The following NEGR1 variants were observed in gnomAD, a reference collection of about 807,000 sequenced individuals.
The protein encoded by NEGR1 is IgLON family member 4.
Under a neutral mutation model 40.9 loss-of-function variants are expected in NEGR1, and 10 were observed. The observed-to-expected ratio is 0.24, with a 90% confidence interval of 0.15 to 0.42. The LOEUF (loss-of-function observed/expected upper bound fraction) is 0.42. Ranked by LOEUF, NEGR1 falls within the 10% of genes least tolerant of loss-of-function variation. NEGR1 has a pLI of 1.00. For synonymous variants in NEGR1, 185 were observed against 166.8 expected (o/e 1.11, Z -0.84); for missense variants, 352 against 438.9 (o/e 0.80, Z 1.77).
chr1:72,259,435 C>A (rs1655382624), intron 1 of NEGR1, among the ~76,000 whole-genome samples: 1 of 152,074 alleles, frequency 6.6e-6, no homozygotes, highest in Non-Finnish European at 1.5e-5. Context: ...GTTCTTCAAA[C>A]TCCCTTTCTC....
chr1:71,759,532 C>G (rs1240734569), intron 3 of NEGR1, among the ~76,000 whole-genome samples: 1 of 147,998 alleles, frequency 6.8e-6, no homozygotes, highest in Non-Finnish European at 1.5e-5. Flanking sequence ...CTCCTGATCT[C>G]GCGATCCACT....
intron 1 of NEGR1, among the ~76,000 whole-genome samples, chr1:72,250,548 T>A (rs1557598267): frequency 6.6e-6 from 1 of 152,102 alleles, no homozygotes; most frequent in Non-Finnish European, 1.5e-5. Context: ...TGAAAAACAA[T>A]TAAGTCAATC....
intron 3 of NEGR1, among the ~76,000 whole-genome samples, chr1:71,701,059 A>T (rs1653674726): frequency 6.6e-6 from 1 of 152,042 alleles, no homozygotes; most frequent in South Asian, 2.1e-4. Flanking sequence ...CCAAAAAGGG[A>T]CACAGCCTAT....
At chr1:72,072,552 A>G (rs1647513212) in intron 1 of NEGR1, among the ~76,000 whole-genome samples, 1 of 152,156 alleles carries the variant, frequency 6.6e-6, no homozygotes, top group African/African-American at 2.4e-5. Flanking sequence ...GAACAGTTTC[A>G]CAAACAAAAT....
chr1:71,689,232 T>A (rs925054922), intron 4 of NEGR1, among the ~76,000 whole-genome samples: 4 of 152,206 alleles, frequency 2.6e-5, no homozygotes, highest in African/African-American at 9.7e-5. Flanking sequence ...TTATCCAGAA[T>A]CATTTGACTG....
Position 71,982,895 on chromosome 1 carries a change from C to T in NEGR1, c.177-47584G>A, listed in dbSNP as rs546287766. On this transcript the variant is annotated intron_variant, in intron 1 of 6. Transcript: ENST00000357731. The stretch of plus-strand genomic sequence containing the variant: ...CAAAAAGAAGAAAATGGTGAGTTTC[C>T]TTTTATCAGTACACATGGAAAGATA... Among the ~76,000 whole-genome samples the T allele has an allele frequency of 9.9e-5, 15 of 152,128 alleles. No individual in the cohort carries two copies. The East Asian group carries it at 2.9e-3, about 29-fold the overall frequency.
chr1:71,423,080 A>T (rs1412124920), intron 6 of NEGR1: 2 of 152,186 alleles, frequency 1.3e-5, no homozygotes, highest in Non-Finnish European at 2.9e-5. Context: ...AGCTACAAAA[A>T]GTACAGATTC....
At chr1:71,496,456 T>C (rs1569947380) in intron 6 of NEGR1, among the ~76,000 whole-genome samples, 1 of 151,806 alleles carries the variant, frequency 6.6e-6, no homozygotes, top group Non-Finnish European at 1.5e-5. Flanking sequence ...AGAAGGAAGG[T>C]ATTCGTTGGC....
At chr1:71,667,657 T>C (rs1483388526) in intron 4 of NEGR1, among the ~76,000 whole-genome samples, 1 of 152,220 alleles carries the variant, frequency 6.6e-6, no homozygotes, top group Non-Finnish European at 1.5e-5. Context: ...GTCTCAACAG[T>C]GTGTTGTTTG....
chr1:71,798,627 A>G (rs1657428805), intron 2 of NEGR1, among the ~76,000 whole-genome samples: 1 of 152,342 alleles, frequency 6.6e-6, no homozygotes, highest in East Asian at 1.9e-4. Context: ...TAACTTGCTC[A>G]GATCACTTAA....
At chr1:71,505,561 G>A (rs143939716) in intron 6 of NEGR1, among the ~76,000 whole-genome samples, 86 of 152,280 alleles carry the variant, frequency 5.6e-4, no homozygotes, top group African/African-American at 1.8e-3. Flanking sequence ...GATTACAGGC[G>A]TGAGCCACCG....
intron 1 of NEGR1, among the ~76,000 whole-genome samples, chr1:72,258,329 G>T (rs11209939): frequency 0.098 from 14,898 of 152,070 alleles, 2,474 homozygotes; most frequent in African/African-American, 0.34. Context: ...AATATCAATA[G>T]CCCTGAAATT....
chr1:71,794,165 G>T (rs2101739346), intron 2 of NEGR1: 1 of 152,218 alleles, frequency 6.6e-6, no homozygotes, highest in East Asian at 1.9e-4. Flanking sequence ...GAATTGATAA[G>T]ATAATTCAAC....
chr1:71,826,574 A>G (rs1007893577), intron 2 of NEGR1, among the ~76,000 whole-genome samples: 3 of 151,850 alleles, frequency 2.0e-5, no homozygotes, highest in Non-Finnish European at 2.9e-5. Flanking sequence ...GTAGATTTCC[A>G]TTTCCTTAAT....
chr1:71,834,886 A>AACACACACACACACACACAC (rs1330229060), intron 2 of NEGR1, among the ~76,000 whole-genome samples: 115 of 78,180 alleles, frequency 1.5e-3, no homozygotes, highest in South Asian at 5.8e-3. Context: ...ATTTTAGGAG[A>AACACACACACACACACACAC]TCACACACAC....
chr1:72,178,827 C>T (rs976466274), intron 1 of NEGR1, among the ~76,000 whole-genome samples: 5 of 151,540 alleles, frequency 3.3e-5, no homozygotes, highest in African/African-American at 2.4e-5. Flanking sequence ...TCTTCATATA[C>T]TTGTTGGCTG....
At chr1:71,491,602 T>A (rs148871103) in intron 6 of NEGR1, among the ~76,000 whole-genome samples, 76 of 151,258 alleles carry the variant, frequency 5.0e-4, no homozygotes, top group Non-Finnish European at 9.4e-4. Flanking sequence ...AATGAAAATA[T>A]GACCTCACAG....
chr1:71,650,681 C>A (rs769597666), intron 4 of NEGR1, among the ~76,000 whole-genome samples: 2 of 152,090 alleles, frequency 1.3e-5, no homozygotes, highest in Non-Finnish European at 2.9e-5. Context: ...AAGCTTTATT[C>A]TTTAAGTTGT....
chr1:71,512,341 C>A (rs2101417571), intron 6 of NEGR1, among the ~76,000 whole-genome samples: 1 of 151,922 alleles, frequency 6.6e-6, no homozygotes, highest in African/African-American at 2.4e-5. Context: ...AAAATGGAAG[C>A]AGATTATCTT....
Sources: allele counts gnomAD v4.1 joint callset (sites outside exome capture counted in the v4.1 genomes callset), GRCh38; gene constraint gnomAD v4.1.1; transcripts MANE v1.5; gene names NCBI Gene and HGNC (gene_info 2026-07-23, HGNC 2026-07-21).